DPYD: variants seen among roughly 807,000 people sequenced by gnomAD.
The protein encoded by DPYD is dihydropyrimidine dehydrogenase, also known as dihydropyrimidine dehydrogenase [NADP(+)].
Under a neutral mutation model 116.2 loss-of-function variants are expected in DPYD, and 109 were observed. That is an observed-to-expected ratio of 0.94 (90% confidence interval 0.80 to 1.10). The LOEUF is 1.10. DPYD is among the 50% of genes least tolerant of loss of function. The pLI is 0.00. For missense variants in DPYD, 1,302 were observed against 1,254.5 expected (o/e 1.04, Z -0.57); for synonymous variants, 440 against 432.0 (o/e 1.02, Z -0.23).
chr1:97,296,773 T>C (rs894674162), intron 18 of DPYD, among the ~76,000 whole-genome samples: 1 of 152,096 alleles, frequency 6.6e-6, no homozygotes, highest in Non-Finnish European at 1.5e-5. Context: ...AAAAATAGGA[T>C]AAAATTTGAT....
chr1:97,789,207 C>CATT lies in DPYD; in HGVS notation c.233+38906_233+38907insAAT, dbSNP rs1667193994. 2.0e-5 allele frequency among the ~76,000 whole-genome samples: 3 copies of CATT among 152,256 alleles called. No homozygotes were observed. The South Asian group carries it at 6.2e-4, about 32-fold the overall frequency. On this transcript the variant is annotated intron_variant, in intron 3 of 22. Coordinates refer to ENST00000370192, the MANE Select transcript of DPYD (RefSeq NM_000110.4). ...AGTGACCCAGAATCTGGCTAATGTC[C>CATT]ACATAACAGCCCTAATTTGAGTATA...
At chr1:97,744,463 AC>A (rs1240951136) in intron 3 of DPYD, among the ~76,000 whole-genome samples, 1 of 152,020 alleles carries the variant, frequency 6.6e-6, no homozygotes, top group Non-Finnish European at 1.5e-5. Flanking sequence ...TAATAAAAAA[AC>A]ACATACACAC....
chr1:97,503,805 C>A (rs995415877), intron 13 of DPYD, among the ~76,000 whole-genome samples: 4 of 151,548 alleles, frequency 2.6e-5, no homozygotes, highest in Admixed American at 1.3e-4. Flanking sequence ...AAAAAAAAAT[C>A]TCTATATGCA....
In DPYD at chr1:97,515,041, T is replaced by A. The variant is rs1378610933; in HGVS notation, c.1740+685A>T. ...TTAGCATTTGTAATTTATCAATAAA[T>A]GGTCTAAAAATGTTAAAGTCTGTTG... On this transcript the variant is annotated intron_variant, in intron 13 of 22. Transcript: ENST00000370192. Among the ~76,000 whole-genome samples the A allele has an allele frequency of 3.9e-5, 6 of 151,962 alleles. 1 individual carries two copies.
chr1:97,479,725 C>A (rs1394653794), intron 13 of DPYD, among the ~76,000 whole-genome samples: 2 of 152,128 alleles, frequency 1.3e-5, no homozygotes, highest in African/African-American at 4.8e-5. Context: ...TGCAACAAAG[C>A]AAAGCACAAT....
intron 2 of DPYD, among the ~76,000 whole-genome samples, chr1:97,830,639 G>A (rs745800874): frequency 1.3e-5 from 2 of 151,996 alleles, no homozygotes; most frequent in African/African-American, 2.4e-5. Flanking sequence ...GAACCTGGGA[G>A]GTGGAGGCTG....
intron 13 of DPYD, among the ~76,000 whole-genome samples, chr1:97,477,678 T>C (rs530331929): frequency 4.1e-5 from 6 of 145,156 alleles, no homozygotes; most frequent in African/African-American, 1.5e-4. Flanking sequence ...CGGACTGCAG[T>C]GGCGCAATCT....
intron 13 of DPYD, among the ~76,000 whole-genome samples, chr1:97,485,210 T>C (rs1313377134): frequency 6.6e-6 from 1 of 152,164 alleles, no homozygotes; most frequent in Non-Finnish European, 1.5e-5. Context: ...TTTGTTTTTA[T>C]TTATTTAGAC....
intron 3 of DPYD, among the ~76,000 whole-genome samples, chr1:97,768,270 G>A (rs374388884): frequency 6.6e-6 from 1 of 152,130 alleles, no homozygotes; most frequent in East Asian, 1.9e-4. Context: ...ATATCTTTGT[G>A]TGTATTAAAC....
In DPYD at chr1:97,593,359, T is replaced by C; in HGVS notation, c.987A>G (p.Pro329=). ...GTACAATCACGACTCCCCGTATCGA[T>C]GGCAATGGAGAGTGACAGGCGCACA... The part of the protein sequence containing the change: ...AGMCACHSPL[P]SIRGVVIVLG... Residue 329 remains proline (P), a synonymous_variant, in exon 10 of 23, where the codon CCA becomes CCG. Transcript: ENST00000370192. 1 of 1,614,118 alleles carries C rather than the reference T, an allele frequency of 6.2e-7. No homozygotes were observed. The highest frequency in any genetic ancestry group is 8.5e-7 in the Non-Finnish European group (1 of 1,179,998).
chr1:97,439,653 G>T (rs998648615), intron 14 of DPYD, among the ~76,000 whole-genome samples: 1 of 151,578 alleles, frequency 6.6e-6, no homozygotes. Context: ...TTTCGTCTCC[G>T]CAAGGAACCA....
chr1:97,787,289 A>C (rs1415713839), intron 3 of DPYD, among the ~76,000 whole-genome samples: 1 of 152,238 alleles, frequency 6.6e-6, no homozygotes. Flanking sequence ...ATCTAAAGTA[A>C]AATGAAATAA....
chr1:97,422,253 A>G (rs1674626849), intron 14 of DPYD, among the ~76,000 whole-genome samples: 2 of 152,206 alleles, frequency 1.3e-5, no homozygotes, highest in African/African-American at 4.8e-5. Flanking sequence ...TGCATTTCAA[A>G]TAAAATAATG....
chr1:97,415,978 C>T (rs894699427), intron 14 of DPYD, among the ~76,000 whole-genome samples: 6 of 152,106 alleles, frequency 3.9e-5, no homozygotes, highest in Non-Finnish European at 8.8e-5. Context: ...ATTTATGAGT[C>T]GTACTCCTGA....
chr1:97,842,100 T>C (rs1670068571), intron 2 of DPYD, among the ~76,000 whole-genome samples: 1 of 151,930 alleles, frequency 6.6e-6, no homozygotes, highest in Admixed American at 6.6e-5. Context: ...GGAATTTCAC[T>C]GGAAAATTTG....
intron 19 of DPYD, among the ~76,000 whole-genome samples, chr1:97,205,629 G>A (rs548213002): frequency 6.6e-6 from 1 of 152,072 alleles, no homozygotes; most frequent in South Asian, 2.1e-4. Context: ...TAATTCCTTA[G>A]TGTAATCTGA....
At chr1:97,802,405 T>C (rs1161768541) in intron 3 of DPYD, among the ~76,000 whole-genome samples, 1 of 151,888 alleles carries the variant, frequency 6.6e-6, no homozygotes, top group East Asian at 1.9e-4. Flanking sequence ...TAATGCTCCA[T>C]ACTACCAGCA....
rs1661019845 is a variant in DPYD at position 97,691,762 on chromosome 1, A to C, written c.717T>G (p.Asp239Glu). 2 of 1,613,800 alleles carry C rather than the reference A, an allele frequency of 1.2e-6. No homozygotes were observed. The highest frequency in any genetic ancestry group is 1.7e-4 in the Middle Eastern group (1 of 6,058). ...TTAGCTCAATCTCAAAATTCACTAC[A>C]TCATACGGCAGCCGGAACTGAGGAA... ...SEIPQFRLPYDVVNFEIELMK... is the reference protein window; with the variant it reads ...SEIPQFRLPYEVVNFEIELMK... Residue 239 changes from aspartate to glutamate, a missense_variant, in exon 7 of 23, where the codon GAT becomes GAG. Transcript: ENST00000370192.
intron 18 of DPYD, among the ~76,000 whole-genome samples, chr1:97,267,713 A>G (rs1262083114): frequency 6.6e-6 from 1 of 151,960 alleles, no homozygotes; most frequent in Non-Finnish European, 1.5e-5. Flanking sequence ...TGGCCTAATC[A>G]CCTCACACCT....
Sources: allele counts gnomAD v4.1 joint callset (sites outside exome capture counted in the v4.1 genomes callset), GRCh38; gene constraint gnomAD v4.1.1; transcripts MANE v1.5; gene names NCBI Gene and HGNC (gene_info 2026-07-23, HGNC 2026-07-21).